ERBB4: variants seen among roughly 807,000 people sequenced by gnomAD.
ERBB4 encodes erb-b2 receptor tyrosine kinase 4.
ERBB4 carries 42 observed loss-of-function variants against 158.0 expected under a neutral mutation model. That is an observed-to-expected ratio of 0.27 (90% confidence interval 0.21 to 0.34). The LOEUF is 0.34. Ranked by LOEUF, ERBB4 falls within the 10% of genes least tolerant of loss-of-function variation. The probability of loss-of-function intolerance (pLI) is 1.00; values close to 1 mark genes in which losing one functional copy is unlikely to be tolerated. For synonymous variants in ERBB4, 583 were observed against 558.7 expected, an observed-to-expected ratio of 1.04 and a Z score of -0.61; for missense variants, 1,333 against 1,624.1, an observed-to-expected ratio of 0.82 and a Z score of 3.08.
chr2:212,302,942 G>A (rs957232931), intron 1 of ERBB4, among the ~76,000 whole-genome samples: 4 of 151,346 alleles, frequency 2.6e-5, no homozygotes, highest in Non-Finnish European at 4.4e-5. Flanking sequence ...TGTTTAGGAA[G>A]AAAAGATGAA....
At chr2:211,576,976 C>G (rs1262728973) in intron 19 of ERBB4, among the ~76,000 whole-genome samples, 1 of 152,116 alleles carries the variant, frequency 6.6e-6, no homozygotes, top group African/African-American at 2.4e-5. Context: ...AGTCTTCCTT[C>G]TGTTTTACTA....
At chr2:211,817,895 T>C (rs1181135409) in intron 3 of ERBB4, among the ~76,000 whole-genome samples, 1 of 152,168 alleles carries the variant, frequency 6.6e-6, no homozygotes, top group Non-Finnish European at 1.5e-5. Context: ...GACCCCAACA[T>C]TGCAGAACTA....
At chr2:211,519,342 T>C (rs1316981993) in intron 20 of ERBB4, among the ~76,000 whole-genome samples, 1 of 152,184 alleles carries the variant, frequency 6.6e-6, no homozygotes, top group Non-Finnish European at 1.5e-5. Context: ...TGTAAATTTC[T>C]CTTTTCTGTT....
chr2:211,657,618 C>T (rs1203410234), intron 16 of ERBB4, 136 bp downstream of exon 16: 2 of 737,400 alleles, frequency 2.7e-6, no homozygotes, highest in African/African-American at 1.7e-5. Context: ...GTGTTTTATG[C>T]CTCTTTCAAA....
intron 3 of ERBB4, among the ~76,000 whole-genome samples, chr2:211,828,447 T>G (rs188196730): frequency 1.3e-5 from 2 of 152,268 alleles, no homozygotes; most frequent in East Asian, 3.9e-4. Context: ...CTGTGATCTG[T>G]GTCTGGGCCC....
At chr2:212,201,515 G>A (rs1195769582) in intron 1 of ERBB4, among the ~76,000 whole-genome samples, 1 of 152,012 alleles carries the variant, frequency 6.6e-6, no homozygotes, top group Admixed American at 6.5e-5. Context: ...TTTCAGAAAT[G>A]ATGAGAAAAA....
rs2062612953 is a variant in ERBB4, at chr2:211,383,485, T to A, written c.*130A>T. ...AGGTAAGCACATAACTATCATTGCA[T>A]CTCTGTATCTTCCACTGGGAAGTGT... On this transcript the variant is annotated 3_prime_UTR_variant, in exon 28 of 28. Coordinates refer to ENST00000342788, the MANE Select transcript of ERBB4 (RefSeq NM_005235.3). The A allele has an allele frequency of 2.7e-6, 2 of 734,334 alleles. No individual in the cohort carries two copies. Among genetic ancestry groups the A allele is most frequent in the African/African-American group, 3.5e-5 (2 of 57,732 alleles). 45.5% of individuals were successfully genotyped at this position (734,334 alleles called of 1,614,324 possible).
At chr2:212,370,118 G>T (rs1276280636) in intron 1 of ERBB4, among the ~76,000 whole-genome samples, 1 of 152,068 alleles carries the variant, frequency 6.6e-6, no homozygotes, top group Non-Finnish European at 1.5e-5. Flanking sequence ...GGCAGGTCCA[G>T]GTAGAGATAA....
chr2:211,449,559 C>A (rs1043710164), intron 20 of ERBB4, among the ~76,000 whole-genome samples: 4 of 152,102 alleles, frequency 2.6e-5, no homozygotes, highest in African/African-American at 9.7e-5. Context: ...TAGATTAAAT[C>A]TGAGTATGAA....
At chr2:211,826,311 G>C (rs774109132) in intron 3 of ERBB4, among the ~76,000 whole-genome samples, 1 of 151,524 alleles carries the variant, frequency 6.6e-6, no homozygotes, top group Non-Finnish European at 1.5e-5. Flanking sequence ...TATGGATTAC[G>C]GATATAATCA....
chr2:212,528,985 T>C (rs775168930), intron 1 of ERBB4, among the ~76,000 whole-genome samples: 1 of 152,192 alleles, frequency 6.6e-6, no homozygotes, highest in Non-Finnish European at 1.5e-5. Flanking sequence ...AGATTCTATC[T>C]GGAACCCTTT....
chr2:211,842,835 C>T (rs1559565862), intron 3 of ERBB4, among the ~76,000 whole-genome samples: 1 of 151,984 alleles, frequency 6.6e-6, no homozygotes, highest in Non-Finnish European at 1.5e-5. Flanking sequence ...TATTACATTC[C>T]AAATGACTAT....
At chr2:212,357,157 T>C (rs1357259089) in intron 1 of ERBB4, among the ~76,000 whole-genome samples, 1 of 151,904 alleles carries the variant, frequency 6.6e-6, no homozygotes, top group Non-Finnish European at 1.5e-5. Context: ...TTTTTCCCCA[T>C]TTTCTTTTTG....
intron 19 of ERBB4, among the ~76,000 whole-genome samples, chr2:211,593,997 T>G (rs1312091690): frequency 1.3e-5 from 2 of 152,116 alleles, no homozygotes; most frequent in African/African-American, 4.8e-5. Context: ...ACCTGGTATC[T>G]CTCTATGTCC....
chr2:212,210,110 T>C (rs1369949096), intron 1 of ERBB4, among the ~76,000 whole-genome samples: 1 of 150,304 alleles, frequency 6.7e-6, no homozygotes, highest in African/African-American at 2.5e-5. Flanking sequence ...TAACCTATCA[T>C]AACATCATGT....
At chr2:211,923,465 TAG>T (rs1491361601) in intron 3 of ERBB4, among the ~76,000 whole-genome samples, 1 of 152,062 alleles carries the variant, frequency 6.6e-6, no homozygotes, top group African/African-American at 2.4e-5. Flanking sequence ...AAACAGTGAA[TAG>T]GTATGGGAAA....
intron 20 of ERBB4, among the ~76,000 whole-genome samples, chr2:211,561,000 C>T (rs760092174): frequency 3.8e-4 from 58 of 152,150 alleles, no homozygotes; most frequent in African/African-American, 5.3e-4. Context: ...TAAAAGACTT[C>T]GGGTCATATT....
intron 3 of ERBB4, among the ~76,000 whole-genome samples, chr2:211,924,705 G>A (rs966567429): frequency 8.5e-5 from 13 of 152,118 alleles, no homozygotes; most frequent in African/African-American, 3.1e-4. Context: ...GCAGAAATAA[G>A]TTGGTAGTAT....
intron 1 of ERBB4, among the ~76,000 whole-genome samples, chr2:212,142,173 T>A (rs1559582107): frequency 6.6e-6 from 1 of 152,164 alleles, no homozygotes. Flanking sequence ...TATGACACTT[T>A]GAGTAGCATC....
Sources: gnomAD v4.1 joint callset for allele counts (sites outside exome capture counted in the v4.1 genomes callset) on GRCh38, gnomAD v4.1.1 for gene constraint, MANE v1.5 for transcripts, NCBI Gene and HGNC (gene_info 2026-07-23, HGNC 2026-07-21) for gene names.